Variants in HSPA13 observed in about 807,000 individuals in gnomAD.
HSPA13 encodes heat shock 70 kDa protein 13.
A neutral mutation model predicts 38.8 loss-of-function variants in HSPA13; 29 were observed. That is an observed-to-expected ratio of 0.75 (90% confidence interval 0.56 to 1.02). The LOEUF is 1.02. Among genes scored for constraint, HSPA13 ranks in the 50% least tolerant of loss-of-function variants. The pLI is 0.00. For missense variants in HSPA13, 451 were observed against 560.9 expected (o/e 0.80, Z 1.98); for synonymous variants, 192 against 205.3 (o/e 0.94, Z 0.56).
At chr21:14,374,310 T>C (rs930199004) in intron 4 of HSPA13, 26 bp from the exon 5 acceptor site, 1 of 1,540,266 alleles carries the variant, frequency 6.5e-7, no homozygotes, top group East Asian at 2.3e-5. Context: ...AAGTTTAATA[T>C]AGTTATGCAT....
In HSPA13 at chr21:14,373,503, G is replaced by A. The variant is rs1333649222; in HGVS notation, c.*114C>T. 1.2e-6 allele frequency: 1 copy of A among 869,320 alleles called. No homozygotes were observed. The highest frequency in any genetic ancestry group is 1.7e-6 in the Non-Finnish European group (1 of 580,724). The allele number at this position is 869,320 out of a possible 1,614,324, so 53.9% of individuals were successfully genotyped here. A position where few individuals can be genotyped will look rare whatever the true frequency, so the allele number is the denominator to read the frequency against. On this transcript the variant is annotated 3_prime_UTR_variant, in exon 5 of 5. Transcript: ENST00000285667. ...TAAAATTTTCCTGTATCTAAATGTT[G>A]CCCTCTAGGTAAATCTGTGATATTT...
chr21:14,382,662 G>T (rs1242524198), intron 1 of HSPA13, among the ~76,000 whole-genome samples: 1 of 152,006 alleles, frequency 6.6e-6, no homozygotes, highest in Non-Finnish European at 1.5e-5. Context: ...TTCCAAACCC[G>T]ATGTGATGGA....
chr21:14,382,853 C>T (rs1204496481), intron 1 of HSPA13, among the ~76,000 whole-genome samples: 1 of 152,130 alleles, frequency 6.6e-6, no homozygotes, highest in African/African-American at 2.4e-5. Context: ...CCTGATGTCC[C>T]TGGGATGGAC....
At chr21:14,375,487 T>G (rs887553680) in intron 4 of HSPA13, among the ~76,000 whole-genome samples, 165 bp downstream of exon 4, 5 of 137,858 alleles carry the variant, frequency 3.6e-5, no homozygotes, top group African/African-American at 1.3e-4. Context: ...TGCATTTTTC[T>G]GTAATTTTTT....
intron 2 of HSPA13, 22 bp downstream of exon 2, chr21:14,381,181 A>T (rs1479196600): frequency 4.0e-6 from 6 of 1,510,980 alleles, no homozygotes; most frequent in Non-Finnish European, 4.5e-6. Flanking sequence ...AAATTAATAT[A>T]GATTTTAGAT....
chr21:14,382,661 C>G (rs1290875250), intron 1 of HSPA13, among the ~76,000 whole-genome samples: 1 of 152,004 alleles, frequency 6.6e-6, no homozygotes, highest in Non-Finnish European at 1.5e-5. Flanking sequence ...ATTCCAAACC[C>G]GATGTGATGG....
intron 1 of HSPA13, among the ~76,000 whole-genome samples, chr21:14,382,361 T>C (rs893175860): frequency 2.6e-5 from 4 of 152,142 alleles, no homozygotes; most frequent in African/African-American, 9.7e-5. Context: ...GCCACGCAGA[T>C]TGTAAACATA....
intron 2 of HSPA13, among the ~76,000 whole-genome samples, chr21:14,380,172 G>GA (rs150679632): frequency 0.11 from 16,765 of 149,424 alleles, 1,927 homozygotes; most frequent in African/African-American, 0.3. Context: ...TATTAAGAGG[G>GA]AAAAAAAAGT....
Position 14,378,228 on chromosome 21 carries a change from T to G in HSPA13, c.551A>C (p.Asn184Thr), listed in dbSNP as rs1445815217. ...VPAEFDLKQR[N>T]STIEAANLAG... ...AAGGTTAGCAGCTTCAATTGTTGAA[T>G]TTCTCTGTTTTAGATCAAATTCTGC... The change falls in exon 3 of 5, where the codon AAT becomes ACT. Residue 184 changes from asparagine to threonine, a missense_variant. Transcript: ENST00000285667. 6.2e-7 allele frequency: 1 copy of G among 1,614,152 alleles called. No homozygotes were observed. Among genetic ancestry groups the G allele is most frequent in the Non-Finnish European group, 8.5e-7 (1 of 1,179,982 alleles).
chr21:14,378,194 G>C lies in HSPA13; in HGVS notation c.580+5C>G, dbSNP rs781271612. On this transcript the variant is annotated splice_donor_5th_base_variant and intron_variant, in intron 3 of 4. Coordinates refer to ENST00000285667, the MANE Select transcript of HSPA13 (RefSeq NM_006948.5). ...AAAATGCATCTCAGTCAAGGGTACT[G>C]TTACCTGCAAGGTTAGCAGCTTCAA... 33 of 1,610,170 alleles carry C rather than the reference G, an allele frequency of 2.0e-5. No homozygotes were observed. Among genetic ancestry groups the C allele is most frequent in the Non-Finnish European group, 2.7e-5 (32 of 1,176,578 alleles).
chr21:14,374,358 C>G (rs942815130), intron 4 of HSPA13, 74 bp from the exon 5 acceptor site: 1 of 1,044,078 alleles, frequency 9.6e-7, no homozygotes. Context: ...ATTATGTATA[C>G]GTAAAAATTA....
At position 14,373,689 on chromosome 21, in the gene HSPA13, T is replaced by C; in HGVS notation, c.1344A>G (p.Gly448=). 6.2e-7 allele frequency: 1 copy of C among 1,614,178 alleles called. No individual in the cohort carries two copies. Among genetic ancestry groups the C allele is most frequent in the Non-Finnish European group, 8.5e-7 (1 of 1,180,020 alleles). Residue 448 remains glycine, a synonymous_variant, in exon 5 of 5, where the codon GGA becomes GGG. Coordinates refer to ENST00000285667, the MANE Select transcript of HSPA13 (RefSeq NM_006948.5). ...TGVAIQAGID[G]GSWPLQVSAL... ...CACTGACTTGGAGAGGCCAAGAGCCTCCATCAATCCCTGCTTGGATAGCCA... is the reference window on the plus strand; with the variant it reads ...CACTGACTTGGAGAGGCCAAGAGCCCCCATCAATCCCTGCTTGGATAGCCA...
rs998509621 is a variant in HSPA13 at position 14,371,407 on chromosome 21, T to G, written c.*2210A>C. ...AAATGTACAACTAAAGTTTATTAAT[T>G]TTTTTTATGAAAAGACTTCAGATTG... On this transcript the variant is annotated 3_prime_UTR_variant, in exon 5 of 5. Transcript: ENST00000285667. The G allele has an allele frequency of 6.6e-6, 1 of 152,254 alleles. No homozygotes were observed. Among genetic ancestry groups the G allele is most frequent in the Non-Finnish European group, 1.5e-5 (1 of 67,976 alleles). 9.4% of individuals were successfully genotyped at this position (152,254 alleles called of 1,614,324 possible).
rs1196207184 is a variant in HSPA13, at chr21:14,371,887, C to T, written c.*1730G>A. 1.3e-5 allele frequency: 2 copies of T among 152,422 alleles called. No homozygotes were observed. Among genetic ancestry groups the T allele is most frequent in the Non-Finnish European group, 2.9e-5 (2 of 67,902 alleles). 9.4% of individuals were successfully genotyped at this position (152,422 alleles called of 1,614,324 possible). A position where few individuals can be genotyped will look rare whatever the true frequency, so the allele number is the denominator to read the frequency against. ...CAGATTTATATAAAGTCCAAGAGAA[C>T]ATGTGAAATATTTTCATAATGCAGT... On this transcript the variant is annotated 3_prime_UTR_variant, in exon 5 of 5. Coordinates refer to ENST00000285667, the MANE Select transcript of HSPA13 (RefSeq NM_006948.5).
At chr21:14,382,372 A>G (rs753668583) in intron 1 of HSPA13, among the ~76,000 whole-genome samples, 1 of 152,216 alleles carries the variant, frequency 6.6e-6, no homozygotes, top group African/African-American at 2.4e-5. Flanking sequence ...TGTAAACATA[A>G]GCGAAGAAAG....
intron 3 of HSPA13, 102 bp downstream of exon 3, chr21:14,378,097 G>T: frequency 2.5e-6 from 2 of 811,380 alleles, no homozygotes; most frequent in Non-Finnish European, 4.0e-6. Flanking sequence ...TGTTTATTTT[G>T]ACTATGGTTG....
At position 14,371,881 on chromosome 21, in the gene HSPA13, A is replaced by G. The variant is rs1982834652; in HGVS notation, c.*1736T>C. The G allele has an allele frequency of 6.6e-6, 1 of 152,548 alleles. No individual in the cohort carries two copies. Among genetic ancestry groups the G allele is most frequent in the African/African-American group, 2.4e-5 (1 of 41,472 alleles). The allele number at this position is 152,548 out of a possible 1,614,324, so 9.4% of individuals were successfully genotyped here. ...CTATTACAGATTTATATAAAGTCCAAGAGAACATGTGAAATATTTTCATAA... is the reference window on the plus strand; with the variant it reads ...CTATTACAGATTTATATAAAGTCCAGGAGAACATGTGAAATATTTTCATAA... On this transcript the variant is annotated 3_prime_UTR_variant, in exon 5 of 5. Coordinates refer to ENST00000285667, the MANE Select transcript of HSPA13 (RefSeq NM_006948.5).
intron 3 of HSPA13, among the ~76,000 whole-genome samples, chr21:14,377,650 A>G (rs191761510): frequency 2.9e-4 from 44 of 152,328 alleles, no homozygotes; most frequent in African/African-American, 9.9e-4. Context: ...GCAGAGGCAG[A>G]TCCACCCTCA....
At chr21:14,382,970 C>T (rs2123531437) in intron 1 of HSPA13, 125 bp downstream of exon 1, 11 of 1,185,348 alleles carry the variant, frequency 9.3e-6, no homozygotes, top group East Asian at 2.3e-5. Flanking sequence ...CTCTAAGTCA[C>T]CTTTCTGACT....
Sources: gnomAD v4.1 joint callset for allele counts (sites outside exome capture counted in the v4.1 genomes callset) on GRCh38, gnomAD v4.1.1 for gene constraint, MANE v1.5 for transcripts, NCBI Gene and HGNC (gene_info 2026-07-23, HGNC 2026-07-21) for gene names.